TIAM2: variants seen among roughly 807,000 people sequenced by gnomAD.
The protein encoded by TIAM2 is rho guanine nucleotide exchange factor TIAM2.
A neutral mutation model predicts 152.9 loss-of-function variants in TIAM2; 80 were observed. That is an observed-to-expected ratio of 0.52 (90% confidence interval 0.44 to 0.63). The LOEUF is 0.63. TIAM2 is among the 30% of genes least tolerant of loss of function. TIAM2 has a pLI of 0.00. For synonymous variants in TIAM2, 804 were observed against 838.0 expected, an observed-to-expected ratio of 0.96 and a Z score of 0.70; for missense variants, 1,965 against 2,120.1, an observed-to-expected ratio of 0.93 and a Z score of 1.44.
At chr6:155,030,625 G>C (rs1400095133) in intron 1 of TIAM2, among the ~76,000 whole-genome samples, 1 of 152,144 alleles carries the variant, frequency 6.6e-6, no homozygotes, top group East Asian at 1.9e-4. Flanking sequence ...GATTTGATTG[G>C]TTTCCTCATG....
At chr6:155,065,439 T>C (rs1562305776) in intron 1 of TIAM2, among the ~76,000 whole-genome samples, 1 of 152,172 alleles carries the variant, frequency 6.6e-6, no homozygotes, top group Non-Finnish European at 1.5e-5. Context: ...TTTTTGTAAT[T>C]TCAACTGTGT....
In TIAM2 at chr6:155,067,727, A is replaced by T. The variant is rs140728867; in HGVS notation, c.-208-22562A>T. Among the ~76,000 whole-genome samples, 6 of 152,010 alleles carry T rather than the reference A, an allele frequency of 3.9e-5. No homozygotes were observed. The East Asian group carries it at 1.2e-3, about 29-fold the overall frequency. ...GTCATCATGGCTCACTGCAGCCTCCACCTCCCTGGCTCAGGTGGTCCTCCC... is the reference window on the plus strand; with the variant it reads ...GTCATCATGGCTCACTGCAGCCTCCTCCTCCCTGGCTCAGGTGGTCCTCCC... On this transcript the variant is annotated intron_variant, in intron 1 of 26. Transcript: ENST00000682666.
chr6:155,245,600 G>T lies in TIAM2; in HGVS notation c.3544-23G>T. On this transcript the variant is annotated intron_variant, in intron 18 of 26. Coordinates refer to ENST00000682666, the MANE Select transcript of TIAM2 (RefSeq NM_012454.4). ...GCATTGATTAAACCATGTCTGATTT[G>T]ACTTTCCCCTCTGCCCTTCTAGAAA... 3.1e-6 allele frequency: 5 copies of T among 1,587,470 alleles called. No homozygotes were observed. In the South Asian group the frequency reaches 3.3e-5, roughly 11 times the overall value.
chr6:155,205,778 C>G (rs1781582197), intron 14 of TIAM2, among the ~76,000 whole-genome samples: 1 of 152,180 alleles, frequency 6.6e-6, no homozygotes, highest in South Asian at 2.1e-4. Context: ...CCAAGAATTC[C>G]CCCTTGAGCC....
At chr6:155,052,992 A>G (rs747937472) in intron 1 of TIAM2, among the ~76,000 whole-genome samples, 6 of 151,774 alleles carry the variant, frequency 4.0e-5, no homozygotes, top group Non-Finnish European at 8.9e-5. Context: ...TGTTGAATGA[A>G]TGTGTATGAA....
At chr6:155,037,531 CTTTT>C (rs1210581900) in intron 1 of TIAM2, among the ~76,000 whole-genome samples, 1 of 151,974 alleles carries the variant, frequency 6.6e-6, no homozygotes, top group Non-Finnish European at 1.5e-5. Context: ...GGTTTCTTTT[CTTTT>C]TTTATTTTTT....
chr6:155,171,355 G>A (rs1780583117), intron 9 of TIAM2, among the ~76,000 whole-genome samples: 1 of 152,224 alleles, frequency 6.6e-6, no homozygotes, highest in Non-Finnish European at 1.5e-5. Context: ...CCTTTGAAGG[G>A]AGGTGTTTGT....
chr6:155,012,127 A>G, intron 1 of TIAM2, among the ~76,000 whole-genome samples: 1 of 152,238 alleles, frequency 6.6e-6, no homozygotes, highest in South Asian at 2.1e-4. Flanking sequence ...CAGTGTTTGA[A>G]TAGAGCCTAC....
rs368401090 is a variant in TIAM2 at position 155,029,108 on chromosome 6, TTA to T, written c.-209+33623_-209+33624del. On this transcript the variant is annotated intron_variant, in intron 1 of 26. Transcript: ENST00000682666. ...ATATATACACTGTATATACTATGTG[TTA>T]TATATACACTGTATGTACTATGTGT... Among the ~76,000 whole-genome samples, 125 of 93,848 alleles carry T rather than the reference TTA, an allele frequency of 1.3e-3. 22 individuals carry two copies. Among genetic ancestry groups the T allele is most frequent in the African/African-American group, 4.3e-3 (103 of 24,128 alleles). 61.6% of individuals were successfully genotyped at this position (93,848 alleles called of 152,430 possible). A position where few individuals can be genotyped will look rare whatever the true frequency, so the allele number is the denominator to read the frequency against.
At chr6:155,208,316 T>G (rs922408115) in intron 14 of TIAM2, among the ~76,000 whole-genome samples, 2 of 152,202 alleles carry the variant, frequency 1.3e-5, no homozygotes, top group Non-Finnish European at 2.9e-5. Flanking sequence ...TTATACTTCT[T>G]TTTAAATTCT....
At chr6:155,063,717 G>A (rs868341359) in intron 1 of TIAM2, among the ~76,000 whole-genome samples, 13 of 141,700 alleles carry the variant, frequency 9.2e-5, no homozygotes, top group South Asian at 2.2e-4. Flanking sequence ...AGGAGGTGGA[G>A]GTTTAAGTGA....
chr6:154,996,682 A>G (rs961226673), intron 1 of TIAM2, among the ~76,000 whole-genome samples: 4 of 152,184 alleles, frequency 2.6e-5, no homozygotes, highest in Non-Finnish European at 5.9e-5. Flanking sequence ...AAAAGTGTCC[A>G]TGGTTTTATA....
chr6:155,237,508 A>C (rs1782828275), intron 15 of TIAM2, among the ~76,000 whole-genome samples: 1 of 152,180 alleles, frequency 6.6e-6, no homozygotes, highest in African/African-American at 2.4e-5. Context: ...CCAACCCCAC[A>C]TTTCCCTTCT....
chr6:155,116,499 C>T (rs1779016010), intron 2 of TIAM2, among the ~76,000 whole-genome samples: 1 of 152,088 alleles, frequency 6.6e-6, no homozygotes, highest in Non-Finnish European at 1.5e-5. Context: ...GTGGTTTAAG[C>T]CCCGTTCATT....
At chr6:155,115,089 A>G (rs918869517) in intron 2 of TIAM2, among the ~76,000 whole-genome samples, 2 of 151,776 alleles carry the variant, frequency 1.3e-5, no homozygotes, top group African/African-American at 2.4e-5. Context: ...CGGACTCCCA[A>G]ATTGCTGGGA....
At chr6:155,117,778 C>G (rs1385155878) in intron 2 of TIAM2, among the ~76,000 whole-genome samples, 1 of 152,142 alleles carries the variant, frequency 6.6e-6, no homozygotes, top group Non-Finnish European at 1.5e-5. Flanking sequence ...CCACATGTTT[C>G]ATGGTTTATA....
intron 1 of TIAM2, among the ~76,000 whole-genome samples, chr6:155,088,055 T>C (rs1778214007): frequency 6.8e-6 from 1 of 146,858 alleles, no homozygotes; most frequent in Admixed American, 6.7e-5. Flanking sequence ...TTTCTTTCTT[T>C]TTTTTTTTTT....
chr6:155,003,428 C>T (rs1316564216), intron 1 of TIAM2, among the ~76,000 whole-genome samples: 4 of 151,668 alleles, frequency 2.6e-5, no homozygotes, highest in East Asian at 1.9e-4. Context: ...TGCAGTGAGC[C>T]GAGATCACAC....
In TIAM2 at chr6:155,033,094, C is replaced by T. The variant is rs147085483; in HGVS notation, c.-209+37602C>T. On this transcript the variant is annotated intron_variant, in intron 1 of 26. Transcript: ENST00000682666. ...AACTGGTCTAGATTTTCCTTGTTCCCGGGTCTTCTCGTTGCCTTCCTGAAC... is the reference window on the plus strand; with the variant it reads ...AACTGGTCTAGATTTTCCTTGTTCCTGGGTCTTCTCGTTGCCTTCCTGAAC... Among the ~76,000 whole-genome samples, 18 of 152,208 alleles carry T rather than the reference C, an allele frequency of 1.2e-4. No homozygotes were observed. In the East Asian group the frequency reaches 3.1e-3, roughly 26 times the overall value.
Sources: allele counts gnomAD v4.1 joint callset (sites outside exome capture counted in the v4.1 genomes callset), GRCh38; gene constraint gnomAD v4.1.1; transcripts MANE v1.5; gene names NCBI Gene and HGNC (gene_info 2026-07-23, HGNC 2026-07-21).